TPTE2: variants seen among roughly 807,000 people sequenced by gnomAD.
TPTE2 encodes phosphatidylinositol 3,4,5-trisphosphate 3-phosphatase TPTE2.
Under a neutral mutation model 78.6 loss-of-function variants are expected in TPTE2, and 53 were observed. The observed-to-expected ratio is 0.67, with a 90% CI of 0.54 to 0.85. TPTE2 has a LOEUF of 0.85. TPTE2 is among the 40% of genes least tolerant of loss of function. The probability of loss-of-function intolerance (pLI) is 0.00; values close to 1 mark genes in which losing one functional copy is unlikely to be tolerated. For synonymous variants in TPTE2, 175 were observed against 206.2 expected, an observed-to-expected ratio of 0.85 and a Z score of 1.30; for missense variants, 461 against 623.0, an observed-to-expected ratio of 0.74 and a Z score of 2.77.
chr13:19,496,611 G>C (rs1449555922), intron 1 of TPTE2, among the ~76,000 whole-genome samples: 1 of 152,222 alleles, frequency 6.6e-6, no homozygotes, highest in South Asian at 2.1e-4. Flanking sequence ...GAGCTCTGAA[G>C]TGTGAGGGAC....
At chr13:19,435,793 C>CATA (rs1877038732) in intron 15 of TPTE2, among the ~76,000 whole-genome samples, 1 of 150,168 alleles carries the variant, frequency 6.7e-6, no homozygotes, top group Non-Finnish European at 1.5e-5. Context: ...CACACACACA[C>CATA]CAGGAGTCAT....
At chr13:19,503,079 G>T in intron 1 of TPTE2, 145 bp downstream of exon 4, 1 of 1,122,786 alleles carries the variant, frequency 8.9e-7, no homozygotes, top group Non-Finnish European at 1.3e-6. Flanking sequence ...TGTGTGCATG[G>T]GTTAGTGGAT....
At chr13:19,443,765 CA>C (rs1877645589) in intron 13 of TPTE2, among the ~76,000 whole-genome samples, 1 of 135,460 alleles carries the variant, frequency 7.4e-6, no homozygotes, top group African/African-American at 2.7e-5. Context: ...CACACACACA[CA>C]CACACACACA....
At chr13:19,552,490 G>C in the TPTE2 span, 79 of 549,136 alleles carry the variant, frequency 1.4e-4, 1 homozygote, top group Admixed American at 2.6e-3. Flanking sequence ...ATTCATGTAA[G>C]TATCTACACT....
At chr13:19,429,255 AT>A (rs1257310683) in intron 17 of TPTE2, among the ~76,000 whole-genome samples, 1 of 152,238 alleles carries the variant, frequency 6.6e-6, no homozygotes, top group East Asian at 1.9e-4. Flanking sequence ...CACTGCAGAA[AT>A]CTACGCTGAG....
chr13:19,477,383 T>A (rs1434114216), intron 4 of TPTE2, among the ~76,000 whole-genome samples: 2 of 150,690 alleles, frequency 1.3e-5, no homozygotes, highest in African/African-American at 4.9e-5. Flanking sequence ...TTAAAAAAAA[T>A]AAAATTGGCC....
intron 4 of TPTE2, among the ~76,000 whole-genome samples, chr13:19,478,314 GA>G (rs1176621162): frequency 6.6e-6 from 1 of 151,764 alleles, no homozygotes; most frequent in Non-Finnish European, 1.5e-5. Context: ...AAATTTACAA[GA>G]AAAAAACAAA....
At chr13:19,425,227 A>G (rs1875940723) in intron 18 of TPTE2, among the ~76,000 whole-genome samples, 1 of 152,198 alleles carries the variant, frequency 6.6e-6, no homozygotes, top group Non-Finnish European at 1.5e-5. Flanking sequence ...GTTTCTATCA[A>G]AATTTTCAAG....
chr13:19,430,033 T>C (rs1876437348), intron 17 of TPTE2, among the ~76,000 whole-genome samples: 1 of 152,110 alleles, frequency 6.6e-6, no homozygotes, highest in Non-Finnish European at 1.5e-5. Context: ...ACTTTGGGGG[T>C]ACAACCTAGG....
intron 1 of TPTE2, among the ~76,000 whole-genome samples, chr13:19,529,678 G>A (rs1253038155): frequency 1.3e-5 from 2 of 152,150 alleles, no homozygotes; most frequent in African/African-American, 4.8e-5. Context: ...AGGGATTAGA[G>A]ATGTACTCAG....
intron 10 of TPTE2, among the ~76,000 whole-genome samples, chr13:19,462,837 A>G (rs1054026409): frequency 1.3e-5 from 2 of 151,726 alleles, no homozygotes; most frequent in Non-Finnish European, 2.9e-5. Flanking sequence ...GAGCCACTGC[A>G]CCTGACGAAT....
the TPTE2 span, among the ~76,000 whole-genome samples, chr13:19,546,483 CT>C: frequency 8.6e-3 from 731 of 85,014 alleles, 1 homozygote; most frequent in African/African-American, 0.029. Context: ...TTTTCTTTTT[CT>C]TTTTTTTTTT....
intron 4 of TPTE2, among the ~76,000 whole-genome samples, chr13:19,478,795 T>A (rs1363885499): frequency 4.6e-5 from 7 of 151,950 alleles, no homozygotes; most frequent in Admixed American, 3.3e-4. Context: ...ATTAAGAAAA[T>A]GTGGCACATA....
At chr13:19,496,823 C>T (rs1308089984) in intron 1 of TPTE2, among the ~76,000 whole-genome samples, 8 of 152,166 alleles carry the variant, frequency 5.3e-5, no homozygotes, top group Admixed American at 1.3e-4. Context: ...GGAACAGCTC[C>T]GGTCTACAGC....
intron 1 of TPTE2, among the ~76,000 whole-genome samples, chr13:19,520,443 G>T (rs907862303): frequency 4.0e-5 from 6 of 151,606 alleles, no homozygotes; most frequent in South Asian, 2.1e-4. Flanking sequence ...TAGGTTTTTT[G>T]TTGTTGTTGT....
chr13:19,471,742 T>C (rs1252400017), intron 6 of TPTE2, among the ~76,000 whole-genome samples: 8 of 152,208 alleles, frequency 5.3e-5, no homozygotes, highest in Non-Finnish European at 7.3e-5. Flanking sequence ...TTCTGCATTT[T>C]TCTGTATACC....
intron 13 of TPTE2, among the ~76,000 whole-genome samples, chr13:19,445,394 A>G (rs1877761279): frequency 7.6e-6 from 1 of 131,234 alleles, no homozygotes; most frequent in East Asian, 2.3e-4. Flanking sequence ...AATGATCACC[A>G]CCATAAGATG....
In TPTE2 at chr13:19,514,868, A is replaced by G. The variant is rs1159655995; in HGVS notation, c.-43-11591T>C. Reference sequence around the variant, plus strand: ...TTCATTTTTTTAAAGTTATATGGCTATATTTTACAATATCAAGACTTCCTA... The same window carrying G: ...TTCATTTTTTTAAAGTTATATGGCTGTATTTTACAATATCAAGACTTCCTA... On this transcript the variant is annotated intron_variant, in intron 1 of 17. Coordinates refer to the TPTE2 transcript ENST00000390680. 2.0e-5 allele frequency among the ~76,000 whole-genome samples: 3 copies of G among 152,188 alleles called. No individual in the cohort carries two copies. The East Asian group carries it at 5.8e-4, about 29-fold the overall frequency.
intron 13 of TPTE2, among the ~76,000 whole-genome samples, chr13:19,449,273 A>G (rs1878030399): frequency 6.6e-6 from 1 of 152,148 alleles, no homozygotes; most frequent in Non-Finnish European, 1.5e-5. Flanking sequence ...TCCCAGGTTC[A>G]AGCGATTCTT....
Sources: allele counts gnomAD v4.1 joint callset (sites outside exome capture counted in the v4.1 genomes callset), GRCh38; gene constraint gnomAD v4.1.1; transcripts MANE v1.5; gene names NCBI Gene and HGNC (gene_info 2026-07-23, HGNC 2026-07-21).